FXYD6: variants seen among roughly 807,000 people sequenced by gnomAD.
FXYD6 encodes FXYD domain-containing ion transport regulator 6.
FXYD6 carries 7 observed loss-of-function variants against 16.7 expected under a neutral mutation model. The ratio of observed to expected loss-of-function variants is 0.42; its 90% confidence interval spans 0.24 to 0.79. The LOEUF (loss-of-function observed/expected upper bound fraction) is 0.79. Ranked by LOEUF, FXYD6 falls within the 30% of genes least tolerant of loss-of-function variation. FXYD6 has a pLI of 0.28. For missense variants in FXYD6, 111 were observed against 116.2 expected, an observed-to-expected ratio of 0.95 and a Z score of 0.21; for synonymous variants, 49 against 43.0, an observed-to-expected ratio of 1.14 and a Z score of -0.54.
At chr11:117,848,522 G>T (rs2056528845) in intron 1 of FXYD6, among the ~76,000 whole-genome samples, 1 of 151,948 alleles carries the variant, frequency 6.6e-6, no homozygotes, top group Non-Finnish European at 1.5e-5. Flanking sequence ...ACCTTGCCTG[G>T]TTTGGGGATG....
chr11:117,845,450 TTTATAA>T lies in FXYD6; in HGVS notation c.-5-2675_-5-2670del, dbSNP rs1202821287. ...GTTGCTTAGTGTAGCTTTTTTGAAC[TTTATAA>T]TTATGATATCATGTTTATAGTCTTT... On this transcript the variant is annotated intron_variant, in intron 1 of 7. Coordinates refer to ENST00000526014, the MANE Select transcript of FXYD6 (RefSeq NM_022003.4). 2.0e-5 allele frequency among the ~76,000 whole-genome samples: 3 copies of T among 152,254 alleles called. No individual in the cohort carries two copies. In the East Asian group the frequency reaches 5.8e-4, roughly 29 times the overall value.
intron 1 of FXYD6, among the ~76,000 whole-genome samples, chr11:117,866,327 A>AT (rs981948361): frequency 6.6e-6 from 1 of 152,120 alleles, no homozygotes. Flanking sequence ...CTAAAAAAAA[A>AT]CTGGGGGGGA....
chr11:117,841,311 G>T, intron 4 of FXYD6, 127 bp from the exon 5 acceptor site: 1 of 1,232,660 alleles, frequency 8.1e-7, no homozygotes, highest in South Asian at 1.4e-5. Context: ...AGTTTGCACA[G>T]CTGCACACAG....
intron 1 of FXYD6, among the ~76,000 whole-genome samples, chr11:117,847,715 T>C (rs896007126): frequency 2.0e-5 from 3 of 152,140 alleles, no homozygotes; most frequent in Non-Finnish European, 4.4e-5. Context: ...TATGGCTGCA[T>C]AGTATTCCAT....
intron 5 of FXYD6, 58 bp downstream of exon 5, chr11:117,841,090 G>A (rs1429685775): frequency 8.7e-6 from 14 of 1,606,538 alleles, no homozygotes; most frequent in Non-Finnish European, 1.2e-5. Flanking sequence ...CACACCAGGG[G>A]TCCCTTCCTG....
chr11:117,866,356 G>GA (rs1274603393), intron 1 of FXYD6, among the ~76,000 whole-genome samples: 1 of 152,102 alleles, frequency 6.6e-6, no homozygotes, highest in Non-Finnish European at 1.5e-5. Context: ...TAGGTGACGG[G>GA]AAAAAACATG....
intron 1 of FXYD6, among the ~76,000 whole-genome samples, chr11:117,851,517 A>G (rs1217496517): frequency 6.6e-6 from 1 of 152,198 alleles, no homozygotes; most frequent in Non-Finnish European, 1.5e-5. Flanking sequence ...CTGATTCCAT[A>G]CCCTCAGAAA....
At chr11:117,853,650 C>G (rs2056657816) in intron 1 of FXYD6, among the ~76,000 whole-genome samples, 1 of 152,110 alleles carries the variant, frequency 6.6e-6, no homozygotes, top group Non-Finnish European at 1.5e-5. Flanking sequence ...CACCACCATG[C>G]CCAGCTAATT....
chr11:117,859,626 C>G (rs138075754), intron 1 of FXYD6, among the ~76,000 whole-genome samples: 1 of 152,272 alleles, frequency 6.6e-6, no homozygotes, highest in African/African-American at 2.4e-5. Flanking sequence ...GCACCTGTGG[C>G]CCTTTCATGA....
intron 7 of FXYD6, 116 bp from the exon 8 acceptor site, chr11:117,838,393 C>A (rs1306184460): frequency 1.5e-6 from 1 of 686,960 alleles, no homozygotes; most frequent in African/African-American, 1.8e-5. Flanking sequence ...ACAGCCTCGT[C>A]TGAGACGCAG....
chr11:117,859,105 G>C (rs998794290), intron 1 of FXYD6, among the ~76,000 whole-genome samples: 1 of 142,972 alleles, frequency 7.0e-6, no homozygotes, highest in Non-Finnish European at 1.6e-5. Flanking sequence ...CCCCTTCTGG[G>C]AGGCTGCTCG....
intron 1 of FXYD6, chr11:117,858,371 G>C (rs1043653687): frequency 6.6e-6 from 1 of 152,354 alleles, no homozygotes; most frequent in Non-Finnish European, 1.5e-5. Context: ...CTCCAGGGGG[G>C]CTTTCCCAGG....
chr11:117,865,724 G>A (rs190249838), intron 1 of FXYD6, among the ~76,000 whole-genome samples: 3 of 152,214 alleles, frequency 2.0e-5, no homozygotes, highest in African/African-American at 4.8e-5. Flanking sequence ...TCAAGAGTTC[G>A]AGACCAGTCT....
intron 1 of FXYD6, among the ~76,000 whole-genome samples, chr11:117,861,216 C>T (rs887974486): frequency 5.9e-5 from 9 of 152,226 alleles, no homozygotes; most frequent in East Asian, 3.8e-4. Flanking sequence ...GCTCTGTCCC[C>T]ACTCGAACCC....
At chr11:117,871,312 G>A (rs1248963071) in intron 1 of FXYD6, among the ~76,000 whole-genome samples, 1 of 152,154 alleles carries the variant, frequency 6.6e-6, no homozygotes, top group Non-Finnish European at 1.5e-5. Flanking sequence ...GCGACTAGGT[G>A]TCTACACCTC....
chr11:117,874,371 C>A (rs1325431590), intron 1 of FXYD6, among the ~76,000 whole-genome samples: 1 of 152,214 alleles, frequency 6.6e-6, no homozygotes, highest in African/African-American at 2.4e-5. Context: ...AGAACCCTGG[C>A]AAGCCTAGAG....
In FXYD6 at chr11:117,838,245, A is replaced by G. The variant is rs1164501017; in HGVS notation, c.*54T>C. The G allele has an allele frequency of 4.3e-6, 3 of 702,480 alleles. No individual in the cohort carries two copies. The highest frequency in any genetic ancestry group is 7.8e-6 in the Non-Finnish European group (3 of 385,010). 43.5% of individuals were successfully genotyped at this position (702,480 alleles called of 1,614,324 possible). ...TTCTTAAGCATCGACATTTGCATCC[A>G]AAGGTTCAAGCAGCCGCCTCAGGTT... On this transcript the variant is annotated 3_prime_UTR_variant, in exon 8 of 8. Transcript: ENST00000526014.
In FXYD6 at chr11:117,842,832, C is replaced by T. The variant is rs140383096; in HGVS notation, c.-5-51G>A. Reference sequence around the variant, plus strand: ...ATTCTCTGGCTAAGAAGCCTCCATCCGTCAGCTCCAAGCGTCAGCCTGACC... The same window carrying T: ...ATTCTCTGGCTAAGAAGCCTCCATCTGTCAGCTCCAAGCGTCAGCCTGACC... On this transcript the variant is annotated intron_variant, in intron 1 of 7. Coordinates refer to ENST00000526014, the MANE Select transcript of FXYD6 (RefSeq NM_022003.4). 4.1e-5 allele frequency: 64 copies of T among 1,543,942 alleles called. 1 individual carries two copies. Among genetic ancestry groups the T allele is most frequent in the African/African-American group, 5.5e-5 (4 of 72,938 alleles).
intron 1 of FXYD6, among the ~76,000 whole-genome samples, chr11:117,863,355 C>A (rs902689381): frequency 2.6e-5 from 4 of 151,918 alleles, no homozygotes; most frequent in Non-Finnish European, 2.9e-5. Flanking sequence ...GGAAAAAAAA[C>A]CACACGATCA....
Sources: allele counts gnomAD v4.1 joint callset (sites outside exome capture counted in the v4.1 genomes callset), GRCh38; gene constraint gnomAD v4.1.1; transcripts MANE v1.5; gene names NCBI Gene and HGNC (gene_info 2026-07-23, HGNC 2026-07-21).